Variants in DENND4C observed in about 807,000 individuals in gnomAD.
DENND4C encodes the protein DENN domain-containing protein 4C.
A neutral mutation model predicts 203.0 loss-of-function variants in DENND4C; 108 were observed. That is an observed-to-expected ratio of 0.53 (90% CI 0.46 to 0.62). The LOEUF is 0.62. Ranked by LOEUF, DENND4C falls within the 20% of genes least tolerant of loss-of-function variation. The pLI is 0.00. For missense variants in DENND4C, 2,481 were observed against 2,301.2 expected (o/e 1.08, Z -1.60); for synonymous variants, 871 against 792.4 (o/e 1.10, Z -1.67).
chr9:19,287,092 A>G lies in DENND4C; in HGVS notation c.558+71A>G. ...AGGGATACGTTTTGGATTCCTGTTT[A>G]CTGTTGGGTATATACTCACATTTTA... On this transcript the variant is annotated intron_variant, in intron 3 of 32. Coordinates refer to ENST00000434457, the MANE Select transcript of DENND4C (RefSeq NM_001330640.2). 2.5e-6 allele frequency: 3 copies of G among 1,191,422 alleles called. No homozygotes were observed. The South Asian group carries it at 1.3e-4, about 52-fold the overall frequency. The allele number at this position is 1,191,422 out of a possible 1,614,324, so 73.8% of individuals were successfully genotyped here. A position where few individuals can be genotyped will look rare whatever the true frequency, so the allele number is the denominator to read the frequency against.
In DENND4C at chr9:19,341,130, T is replaced by G. The variant is rs887540313; in HGVS notation, c.3004+16T>G. On this transcript the variant is annotated intron_variant, in intron 21 of 32. Coordinates refer to ENST00000434457, the MANE Select transcript of DENND4C (RefSeq NM_001330640.2). ...CAAACAGAAGGTTAAGTACTGATAT[T>G]TACGAACTTTACTTAGAATAATACC... is the stretch of plus-strand genomic sequence containing the variant. 1.9e-6 allele frequency: 3 copies of G among 1,584,818 alleles called. No homozygotes were observed. The highest frequency in any genetic ancestry group is 1.4e-5 in the African/African-American group (1 of 73,306).
At chr9:19,354,165 T>C (rs529946346) in intron 26 of DENND4C, among the ~76,000 whole-genome samples, 4 of 152,354 alleles carry the variant, frequency 2.6e-5, no homozygotes, top group Non-Finnish European at 5.9e-5. Flanking sequence ...GTTTATTCCT[T>C]TTCTTCTACA....
Position 19,360,232 on chromosome 9 carries a change from ATTTT to A in DENND4C, c.5161-7_5161-4del. On this transcript the variant is annotated splice_region_variant and splice_polypyrimidine_tract_variant and intron_variant, in intron 28 of 32. Coordinates refer to ENST00000434457, the MANE Select transcript of DENND4C (RefSeq NM_001330640.2). ...ACAGATAATATTAATTTCTTTTTGTATTTTTTTTAAGGATCCTTTAGGAAAAAGA... is the reference window on the plus strand; with the variant it reads ...ACAGATAATATTAATTTCTTTTTGTATTTTAAGGATCCTTTAGGAAAAAGA... The A allele has an allele frequency of 6.2e-7, 1 of 1,606,920 alleles. No homozygotes were observed. Among genetic ancestry groups the A allele is most frequent in the Non-Finnish European group, 8.5e-7 (1 of 1,176,942 alleles).
intron 30 of DENND4C, among the ~76,000 whole-genome samples, chr9:19,368,312 T>C (rs927118147): frequency 1.3e-5 from 2 of 151,688 alleles, no homozygotes; most frequent in Non-Finnish European, 2.9e-5. Flanking sequence ...CAGTTGTCTT[T>C]ATTTAGGGGC....
chr9:19,282,705 T>C (rs900819246), intron 2 of DENND4C, among the ~76,000 whole-genome samples: 2 of 132,274 alleles, frequency 1.5e-5, no homozygotes, highest in Non-Finnish European at 3.3e-5. Flanking sequence ...TTTTTCTTTT[T>C]TTCTTCTCTC....
chr9:19,319,298 A>T (rs903637336), intron 12 of DENND4C, among the ~76,000 whole-genome samples: 3 of 132,790 alleles, frequency 2.3e-5, no homozygotes, highest in African/African-American at 8.1e-5. Flanking sequence ...GTGTGTATAT[A>T]TATACACATA....
rs185583254 is a variant in DENND4C, at chr9:19,305,245, A to G, written c.1312-107A>G. Reference sequence around the variant, plus strand: ...TGGAATGAAGTTTAAGGTAAACAAAACAGACTTAACTGCTTTTCAGTGGTC... The same window carrying G: ...TGGAATGAAGTTTAAGGTAAACAAAGCAGACTTAACTGCTTTTCAGTGGTC... On this transcript the variant is annotated intron_variant, in intron 9 of 32. Coordinates refer to ENST00000434457, the MANE Select transcript of DENND4C (RefSeq NM_001330640.2). The G allele has an allele frequency of 3.2e-6, 3 of 939,990 alleles. No homozygotes were observed. In the African/African-American group the frequency reaches 5.0e-5, roughly 16 times the overall value. The allele number at this position is 939,990 out of a possible 1,614,324, so 58.2% of individuals were successfully genotyped here.
At chr9:19,257,768 C>T (rs941662379) in intron 1 of DENND4C, among the ~76,000 whole-genome samples, 1 of 152,086 alleles carries the variant, frequency 6.6e-6, no homozygotes. Flanking sequence ...AACTTTATGC[C>T]AATAAATTTG....
At chr9:19,343,434 G>A (rs766728141) in intron 22 of DENND4C, among the ~76,000 whole-genome samples, 1 of 152,182 alleles carries the variant, frequency 6.6e-6, no homozygotes, top group Non-Finnish European at 1.5e-5. Flanking sequence ...TTCATTAGTG[G>A]TGGCTGCAGT....
At chr9:19,339,965 C>G (rs1821254864) in intron 20 of DENND4C, among the ~76,000 whole-genome samples, 1 of 152,038 alleles carries the variant, frequency 6.6e-6, no homozygotes, top group South Asian at 2.1e-4. Flanking sequence ...CCGTGTTGGC[C>G]AGTGGGAGCT....
intron 1 of DENND4C, among the ~76,000 whole-genome samples, chr9:19,265,121 T>C (rs1830222366): frequency 6.6e-6 from 1 of 152,064 alleles, no homozygotes; most frequent in African/African-American, 2.4e-5. Context: ...CTCAGGAGAT[T>C]CTCCCACCTC....
At chr9:19,363,504 AAAAAAAATT>A (rs1826947855) in intron 30 of DENND4C, among the ~76,000 whole-genome samples, 1 of 151,820 alleles carries the variant, frequency 6.6e-6, no homozygotes, top group African/African-American at 2.4e-5. Context: ...TCCATCTCAA[AAAAAAAATT>A]AAAAAAACAT....
chr9:19,291,069 A>G (rs1836194829), intron 5 of DENND4C, among the ~76,000 whole-genome samples, 193 bp downstream of exon 5: 1 of 152,218 alleles, frequency 6.6e-6, no homozygotes, highest in African/African-American at 2.4e-5. Context: ...TGGAACTTCT[A>G]CAGAAGCAAA....
At chr9:19,290,574 A>G (rs2131163208) in intron 4 of DENND4C, 130 bp from the exon 5 acceptor site, 1 of 600,232 alleles carries the variant, frequency 1.7e-6, no homozygotes. Context: ...CAAGGGGGAA[A>G]TCAATTTTAA....
chr9:19,351,176 G>A lies in DENND4C; in HGVS notation c.4495+297G>A, dbSNP rs141351591. 1.2e-3 allele frequency among the ~76,000 whole-genome samples: 176 copies of A among 152,232 alleles called. 1 individual carries two copies. The highest frequency in any genetic ancestry group is 2.1e-3 in the Non-Finnish European group (140 of 68,012). The stretch of plus-strand genomic sequence containing the variant: ...CCGCCTTATGATCTATTCTGATCTT[G>A]TATGATTTATAACTACTGTGGTCAC... On this transcript the variant is annotated intron_variant, in intron 24 of 32. Transcript: ENST00000434457.
intron 1 of DENND4C, among the ~76,000 whole-genome samples, chr9:19,252,467 T>C (rs1279768036): frequency 6.6e-6 from 1 of 152,106 alleles, no homozygotes; most frequent in East Asian, 1.9e-4. Context: ...TAGTCATAGC[T>C]ACTCATCAGG....
chr9:19,336,202 T>C lies in DENND4C; in HGVS notation c.2590-68T>C, dbSNP rs536201644. The C allele has an allele frequency of 5.4e-3, 7,627 of 1,425,172 alleles. 28 individuals are homozygous for C. Among genetic ancestry groups the C allele is most frequent in the Non-Finnish European group, 6.5e-3 (6,744 of 1,040,756 alleles). The allele number at this position is 1,425,172 out of a possible 1,614,324, so 88.3% of individuals were successfully genotyped here. Reference sequence around the variant, plus strand: ...ATATATATAAACATACACACACACATATATGTATGTATTTTTAAAATCAGA... The same window carrying C: ...ATATATATAAACATACACACACACACATATGTATGTATTTTTAAAATCAGA... On this transcript the variant is annotated intron_variant, in intron 18 of 32. Coordinates refer to ENST00000434457, the MANE Select transcript of DENND4C (RefSeq NM_001330640.2).
chr9:19,299,324 T>G, intron 8 of DENND4C, 37 bp downstream of exon 8: 1 of 1,403,274 alleles, frequency 7.1e-7, no homozygotes, highest in Non-Finnish European at 9.7e-7. Context: ...ATTTATTCAG[T>G]TGGAGCAGAA....
intron 1 of DENND4C, among the ~76,000 whole-genome samples, chr9:19,253,636 T>C (rs1406750095): frequency 2.6e-5 from 4 of 152,240 alleles, no homozygotes; most frequent in Non-Finnish European, 5.9e-5. Context: ...ATGGTTTGGG[T>C]TACCAGGGAA....
Sources: allele counts gnomAD v4.1 joint callset (sites outside exome capture counted in the v4.1 genomes callset), GRCh38; gene constraint gnomAD v4.1.1; transcripts MANE v1.5; gene names NCBI Gene and HGNC (gene_info 2026-07-23, HGNC 2026-07-21).